Variants in TCF25 observed in about 807,000 individuals in gnomAD.
TCF25 encodes TCF25 ribosome quality control complex subunit, also known as ribosome quality control complex subunit TCF25.
A neutral mutation model predicts 83.1 loss-of-function variants in TCF25; 41 were observed. That is an observed-to-expected ratio of 0.49 (90% CI 0.38 to 0.64). The LOEUF (loss-of-function observed/expected upper bound fraction) is 0.64. TCF25 is among the 30% of genes least tolerant of loss of function. The pLI is 0.00. For synonymous variants in TCF25, 458 were observed against 365.0 expected (o/e 1.25, Z -2.90); for missense variants, 979 against 914.5 (o/e 1.07, Z -0.91).
At chr16:89,900,934 C>T (rs1460486483) in intron 12 of TCF25, 140 bp downstream of exon 12, 2 of 988,460 alleles carry the variant, frequency 2.0e-6, no homozygotes, top group African/African-American at 3.2e-5. Context: ...GCCTGCAAAC[C>T]TGCCCTACCA....
chr16:89,876,544 C>T (rs997448042), intron 1 of TCF25, among the ~76,000 whole-genome samples: 14 of 152,112 alleles, frequency 9.2e-5, no homozygotes, highest in African/African-American at 3.4e-4. Context: ...AATTGCAGCT[C>T]CCAGTACTTT....
intron 12 of TCF25, 126 bp downstream of exon 12, chr16:89,900,920 T>C: frequency 8.8e-7 from 1 of 1,142,702 alleles, no homozygotes; most frequent in Non-Finnish European, 1.2e-6. Flanking sequence ...CATTCTCTGG[T>C]AGGGCCTGCA....
intron 1 of TCF25, among the ~76,000 whole-genome samples, chr16:89,874,313 GA>G (rs1490915651): frequency 6.6e-6 from 1 of 150,962 alleles, no homozygotes; most frequent in Non-Finnish European, 1.5e-5. Context: ...CGTGGCTAAA[GA>G]CGGGGGGGTG....
Position 89,883,477 on chromosome 16 carries a change from G to A in TCF25, c.319G>A (p.Asp107Asn), listed in dbSNP as rs755754193. 1.2e-6 allele frequency: 2 copies of A among 1,613,054 alleles called. No individual in the cohort carries two copies. Among genetic ancestry groups the A allele is most frequent in the Non-Finnish European group, 1.7e-6 (2 of 1,179,640 alleles). ...GCGTGGAAACACAGAGAGCAAGACG[G>A]ATGGAGATGACACCGAGACAGTGCC... ...GQRGNTESKT[D>N]GDDTETVPSE... Residue 107 changes from aspartate (D) to asparagine (N), a missense_variant, in exon 2 of 18, where the codon GAT (aspartate) becomes AAT (asparagine). Asp to Asn is a conservative substitution (Grantham distance 23). Coordinates refer to ENST00000263346, the MANE Select transcript of TCF25 (RefSeq NM_014972.3).
At chr16:89,909,186 C>T in intron 16 of TCF25, 1 of 1,252,370 alleles carries the variant, frequency 8.0e-7, no homozygotes, top group Non-Finnish European at 1.0e-6. Flanking sequence ...CCAGCCTGGC[C>T]AACATGGCAA....
chr16:89,881,423 G>A (rs2042596996), intron 1 of TCF25, among the ~76,000 whole-genome samples: 2 of 152,126 alleles, frequency 1.3e-5, no homozygotes, highest in African/African-American at 4.8e-5. Context: ...ATAAAGAATT[G>A]TTGATGCTGG....
chr16:89,892,384 A>T, intron 6 of TCF25, 109 bp downstream of exon 6: 104 of 409,276 alleles, frequency 2.5e-4, no homozygotes, highest in Non-Finnish European at 3.0e-4. Flanking sequence ...CTGGGGGTGG[A>T]GGGCGGCGGG....
rs753689405 is a variant in TCF25, at chr16:89,910,648, A to C, written c.1857A>C (p.Pro619=). Residue 619 remains proline, a synonymous_variant, in exon 17 of 18, where the codon CCA becomes CCC. Transcript: ENST00000263346. The stretch of plus-strand genomic sequence containing the variant: ...CTCTCTTCTTCCGGTCACTGTTGCC[A>C]AACTATACCATGGAGGTAGGTTGAG... ...TIALFFRSLL[P]NYTMEGERPE... is the part of the protein sequence containing the mutation. The C allele has an allele frequency of 1.9e-6, 3 of 1,613,476 alleles. No homozygotes were observed. Among genetic ancestry groups the C allele is most frequent in the Non-Finnish European group, 2.5e-6 (3 of 1,179,970 alleles).
At chr16:89,910,963 C>A in intron 17 of TCF25, 117 bp from the exon 18 acceptor site, 1 of 1,402,834 alleles carries the variant, frequency 7.1e-7, no homozygotes, top group Non-Finnish European at 9.7e-7. Flanking sequence ...GGGGAGGGTT[C>A]AGGGTCCGGT....
intron 16 of TCF25, among the ~76,000 whole-genome samples, chr16:89,908,720 C>T (rs1488943959): frequency 4.0e-5 from 5 of 125,836 alleles, no homozygotes; most frequent in Non-Finnish European, 7.0e-5. Context: ...CCTCCCGGCT[C>T]CCGCCTCCCA....
At chr16:89,878,306 C>G (rs950154832) in intron 1 of TCF25, among the ~76,000 whole-genome samples, 2 of 151,936 alleles carry the variant, frequency 1.3e-5, no homozygotes, top group African/African-American at 4.8e-5. Context: ...CAACCTCAGG[C>G]TGGGTGCGGT....
At position 89,873,633 on chromosome 16, in the gene TCF25, C is replaced by T; in HGVS notation, c.-35C>T. 2 of 1,494,186 alleles carry T rather than the reference C, an allele frequency of 1.3e-6. No homozygotes were observed. The highest frequency in any genetic ancestry group is 1.5e-5 in the African/African-American group (1 of 68,162). The allele number at this position is 1,494,186 out of a possible 1,614,324, so 92.6% of individuals were successfully genotyped here. On this transcript the variant is annotated 5_prime_UTR_variant, in exon 1 of 18. Transcript: ENST00000263346. ...ACAGCCGAGTTTTCTGCGCTTCCTT[C>T]TCCCTCTCTCCAGACGTCGTGGTCG...
intron 12 of TCF25, among the ~76,000 whole-genome samples, chr16:89,902,551 T>C (rs2044422605): frequency 6.8e-6 from 1 of 147,480 alleles, no homozygotes; most frequent in East Asian, 2.3e-4. Flanking sequence ...TAGCCGGGCG[T>C]GTTGGCCGGC....
At chr16:89,880,144 T>G (rs12934323) in intron 1 of TCF25, among the ~76,000 whole-genome samples, 1 of 130,164 alleles carries the variant, frequency 7.7e-6, no homozygotes, top group Non-Finnish European at 1.8e-5. Flanking sequence ...GGCAGGCTCC[T>G]GAGCCCATCA....
chr16:89,886,132 C>G, intron 4 of TCF25, 166 bp downstream of exon 4: 1 of 660,600 alleles, frequency 1.5e-6, no homozygotes, highest in Non-Finnish European at 2.7e-6. Flanking sequence ...ATTTAAAAAT[C>G]ATATGAGTTT....
chr16:89,898,584 G>A lies in TCF25; in HGVS notation c.1050G>A (p.Gln350=), dbSNP rs2044067106. 1 of 1,605,480 alleles carries A rather than the reference G, an allele frequency of 6.2e-7. No homozygotes were observed. Among genetic ancestry groups the A allele is most frequent in the Admixed American group, 1.7e-5 (1 of 59,614 alleles). The part of the protein sequence containing the change: ...NRSFYLALYK[Q]MSFLEKRGCP... ...GCTTCTACCTGGCCCTCTACAAGCA[G>A]ATGAGCTTCCTGGAGAAGCGAGGCT... The change falls in exon 10 of 18, where the codon CAG becomes CAA. Residue 350 remains glutamine (Q), a synonymous_variant. Transcript: ENST00000263346.
intron 5 of TCF25, among the ~76,000 whole-genome samples, chr16:89,888,229 G>C (rs933918931): frequency 6.6e-5 from 10 of 152,036 alleles, no homozygotes; most frequent in Admixed American, 3.9e-4. Flanking sequence ...TCACACCACT[G>C]CACTCCAGCC....
At chr16:89,879,090 C>G (rs2042400497) in intron 1 of TCF25, among the ~76,000 whole-genome samples, 1 of 152,182 alleles carries the variant, frequency 6.6e-6, no homozygotes, top group African/African-American at 2.4e-5. Flanking sequence ...CACAGATGGG[C>G]TTCAGAGCCT....
intron 16 of TCF25, chr16:89,908,854 T>G: frequency 5.4e-6 from 6 of 1,102,738 alleles, no homozygotes; most frequent in Non-Finnish European, 7.0e-6. Flanking sequence ...CTCCCAGCTC[T>G]CTCCTGCAGC....
Sources: allele counts gnomAD v4.1 joint callset (sites outside exome capture counted in the v4.1 genomes callset), GRCh38; gene constraint gnomAD v4.1.1; transcripts MANE v1.5; gene names NCBI Gene and HGNC (gene_info 2026-07-23, HGNC 2026-07-21).